TEPSIN: variants seen among roughly 807,000 people sequenced by gnomAD.
TEPSIN encodes AP-4 complex accessory subunit tepsin.
Under a neutral mutation model 48.5 loss-of-function variants are expected in TEPSIN, and 50 were observed. That is an observed-to-expected ratio of 1.03 (90% confidence interval 0.82 to 1.31). TEPSIN has a LOEUF of 1.31. Among genes scored for constraint, TEPSIN ranks in the 50% most tolerant of loss-of-function variants. The probability of loss-of-function intolerance (pLI) is 0.00; values close to 1 mark genes in which losing one functional copy is unlikely to be tolerated. For synonymous variants in TEPSIN, 392 were observed against 358.8 expected, an observed-to-expected ratio of 1.09 and a Z score of -1.05; for missense variants, 838 against 815.9, an observed-to-expected ratio of 1.03 and a Z score of -0.33.
Position 81,228,901 on chromosome 17 carries a change from T to C in TEPSIN, c.*27A>G. 1 of 1,611,278 alleles carries C rather than the reference T, an allele frequency of 6.2e-7. No homozygotes were observed. The highest frequency in any genetic ancestry group is 8.5e-7 in the Non-Finnish European group (1 of 1,179,742). ...GACCGCCCCAGACAGCAGCTGAAGC[T>C]GAAGACTCCAGGGCCAGGCCATCGG... is the stretch of plus-strand genomic sequence containing the variant. On this transcript the variant is annotated 3_prime_UTR_variant, in exon 13 of 13. Coordinates refer to ENST00000637944, the MANE Select transcript of TEPSIN (RefSeq NM_001363764.2).
Position 81,233,149 on chromosome 17 carries a change from C to A in TEPSIN, c.526+283G>T. The A allele has an allele frequency of 1.9e-6, 1 of 533,318 alleles. No individual in the cohort carries two copies. The highest frequency in any genetic ancestry group is 3.3e-6 in the Non-Finnish European group (1 of 301,716). 33.0% of individuals were successfully genotyped at this position (533,318 alleles called of 1,614,324 possible). On this transcript the variant is annotated intron_variant, in intron 7 of 12. Transcript: ENST00000637944. This position sits in a 1 kb window ranked among gnomAD's most constrained non-coding sequence, Gnocchi z 5.8. ...ACAGCCAGGGGCACAGCCCTCGGCC[C>A]CTCTCAGAGTGGGACTCACCCCTGC...
rs1328192917 is a variant in TEPSIN at position 81,233,277 on chromosome 17, G to A, written c.526+155C>T. ...CCACCCCCACGTCAGCAGCCAGAGA[G>A]AGACAGTGGGGACAGCCCCAGGAAG... On this transcript the variant is annotated intron_variant, in intron 7 of 12. Transcript: ENST00000637944. This position sits in a 1 kb window ranked among gnomAD's most constrained non-coding sequence, Gnocchi z 5.8. 1 of 865,950 alleles carries A rather than the reference G, an allele frequency of 1.2e-6. No homozygotes were observed. Among genetic ancestry groups the A allele is most frequent in the Non-Finnish European group, 1.7e-6 (1 of 576,438 alleles). The allele number at this position is 865,950 out of a possible 1,614,324, so 53.6% of individuals were successfully genotyped here. A position where few individuals can be genotyped will look rare whatever the true frequency, so the allele number is the denominator to read the frequency against.
rs2062509199 is a variant in TEPSIN at position 81,228,337 on chromosome 17, T to G, written c.*591A>C. 1 of 154,724 alleles carries G rather than the reference T, an allele frequency of 6.5e-6. No homozygotes were observed. The highest frequency in any genetic ancestry group is 6.5e-5 in the Admixed American group (1 of 15,302). 9.6% of individuals were successfully genotyped at this position (154,724 alleles called of 1,614,324 possible). A position where few individuals can be genotyped will look rare whatever the true frequency, so the allele number is the denominator to read the frequency against. Reference sequence around the variant, plus strand: ...AACCCCAGCGCTCTTGGAAGGTTTTTCTGAGATGGACCAGAGGCTCCAATC... The same window carrying G: ...AACCCCAGCGCTCTTGGAAGGTTTTGCTGAGATGGACCAGAGGCTCCAATC... On this transcript the variant is annotated 3_prime_UTR_variant, in exon 13 of 13. Coordinates refer to ENST00000637944, the MANE Select transcript of TEPSIN (RefSeq NM_001363764.2).
chr17:81,236,753 GGAA>G lies in TEPSIN; in HGVS notation c.259_261del (p.Phe87del), dbSNP rs766059186. 46 of 1,574,484 alleles carry G rather than the reference GGAA, an allele frequency of 2.9e-5. No homozygotes were observed. The highest frequency in any genetic ancestry group is 3.5e-5 in the South Asian group (3 of 85,740). On this transcript the variant is annotated inframe_deletion, in exon 4 of 13. Transcript: ENST00000637944. ...GCAGAGTTGCGTTTGAGGATGAGCAGGAAGAAGGAGGAGCCGTGGCTGCACAGA... is the reference window on the plus strand; with the variant it reads ...GCAGAGTTGCGTTTGAGGATGAGCAGGAAGGAGGAGCCGTGGCTGCACAGA...
intron 3 of TEPSIN, 54 bp downstream of exon 3, chr17:81,236,926 C>T (rs1165480606): frequency 3.9e-6 from 6 of 1,538,128 alleles, no homozygotes; most frequent in Non-Finnish European, 8.8e-7. Flanking sequence ...CTCCTCCATC[C>T]TCACCACCGT....
intron 8 of TEPSIN, 23 bp from the exon 9 acceptor site, chr17:81,232,044 T>C: frequency 6.3e-7 from 1 of 1,598,148 alleles, no homozygotes; most frequent in Non-Finnish European, 8.5e-7. Context: ...GGACAGCCGG[T>C]GAGATCCCTG....
rs571952080 is a variant in TEPSIN, at chr17:81,231,746, G to A, written c.906-55C>T. The A allele has an allele frequency of 7.5e-6, 12 of 1,607,876 alleles. No individual in the cohort carries two copies. The African/African-American group carries it at 1.1e-4, about 14-fold the overall frequency. On this transcript the variant is annotated intron_variant, in intron 9 of 12. Transcript: ENST00000637944. ...GAGTGGAGGCCATGCCCCCACTCCT[G>A]TCTCGCATGGGGGAGAACCTGGAGA...
rs1303394893 is a variant in TEPSIN, at chr17:81,228,903, A to T, written c.*25T>A. ...CCGCCCCAGACAGCAGCTGAAGCTG[A>T]AGACTCCAGGGCCAGGCCATCGGGT... On this transcript the variant is annotated 3_prime_UTR_variant, in exon 13 of 13. Transcript: ENST00000637944. 2 of 1,611,484 alleles carry T rather than the reference A, an allele frequency of 1.2e-6. No individual in the cohort carries two copies. Among genetic ancestry groups the T allele is most frequent in the Non-Finnish European group, 1.7e-6 (2 of 1,179,808 alleles).
intron 12 of TEPSIN, chr17:81,229,902 G>GATCTACACT: frequency 4.7e-6 from 1 of 213,698 alleles, no homozygotes. Flanking sequence ...GCGAACCCCA[G>GATCTACACT]GCTCACTCGT....
At position 81,230,477 on chromosome 17, in the gene TEPSIN, G is replaced by T. The variant is rs2062569475; in HGVS notation, c.1233+67C>A. 6 of 1,584,410 alleles carry T rather than the reference G, an allele frequency of 3.8e-6. No homozygotes were observed. The highest frequency in any genetic ancestry group is 5.1e-6 in the Non-Finnish European group (6 of 1,168,078). On this transcript the variant is annotated intron_variant, in intron 12 of 12. Coordinates refer to ENST00000637944, the MANE Select transcript of TEPSIN (RefSeq NM_001363764.2). This position sits in a 1 kb window ranked among gnomAD's most constrained non-coding sequence, Gnocchi z 4.2. ...CGCCGGGCAGGGACGGGGTGGCCGT[G>T]GACTGCAGCGTATCTCCCACTGTAC... is the stretch of plus-strand genomic sequence containing the variant.
Position 81,233,541 on chromosome 17 carries a change from A to C in TEPSIN, c.455-38T>G, listed in dbSNP as rs773265411. 1 of 1,565,434 alleles carries C rather than the reference A, an allele frequency of 6.4e-7. No homozygotes were observed. The highest frequency in any genetic ancestry group is 1.2e-5 in the South Asian group (1 of 84,242). ...CTCCGTTAGCAGCAAGCCGGCCCCC[A>C]CCCTCGGCCCTGCCCACGGATGGCA... is the stretch of plus-strand genomic sequence containing the variant. On this transcript the variant is annotated intron_variant, in intron 6 of 12. Transcript: ENST00000637944. This position sits in a 1 kb window ranked among gnomAD's most constrained non-coding sequence, Gnocchi z 5.8.
rs2062686055 is a variant in TEPSIN at position 81,234,481 on chromosome 17, C to T, written c.308-433G>A. ...GTCTCAGCCGCCTCGAGCTCCCCTG[C>T]TCTGAGAGTTCCTGTCATGATGAAC... On this transcript the variant is annotated intron_variant, in intron 4 of 12. Coordinates refer to ENST00000637944, the MANE Select transcript of TEPSIN (RefSeq NM_001363764.2). The surrounding 1 kb of genome is among the most constrained non-coding windows in gnomAD (Gnocchi z 5.4). Among the ~76,000 whole-genome samples, 1 of 152,124 alleles carries T rather than the reference C, an allele frequency of 6.6e-6. No homozygotes were observed. Among genetic ancestry groups the T allele is most frequent in the African/African-American group, 2.4e-5 (1 of 41,428 alleles).
intron 7 of TEPSIN, 154 bp from the exon 8 acceptor site, chr17:81,232,672 C>A: frequency 1.5e-6 from 1 of 650,584 alleles, no homozygotes; most frequent in Non-Finnish European, 2.6e-6. Flanking sequence ...GCCCCAGGCC[C>A]TCTGGAAGCT....
Position 81,230,757 on chromosome 17 carries a change from C to G in TEPSIN, c.1099-79G>C. 2 of 1,435,924 alleles carry G rather than the reference C, an allele frequency of 1.4e-6. No homozygotes were observed. Among genetic ancestry groups the G allele is most frequent in the Non-Finnish European group, 9.2e-7 (1 of 1,090,054 alleles). The allele number at this position is 1,435,924 out of a possible 1,614,324, so 88.9% of individuals were successfully genotyped here. A position where few individuals can be genotyped will look rare whatever the true frequency, so the allele number is the denominator to read the frequency against. On this transcript the variant is annotated intron_variant, in intron 11 of 12. Transcript: ENST00000637944. This position sits in a 1 kb window ranked among gnomAD's most constrained non-coding sequence, Gnocchi z 4.2. ...GGGAGGCCTATTTGGCCATCTCTCT[C>G]CCTCTTCTTCCTCCTCATCAATGAC...
chr17:81,237,510 G>A (rs765731167), intron 1 of TEPSIN, 51 bp from the exon 2 acceptor site: 1 of 1,551,142 alleles, frequency 6.4e-7, no homozygotes, highest in Non-Finnish European at 8.7e-7. Context: ...TTCCCACAGG[G>A]GTGAATCCGC....
chr17:81,231,079 G>GCA lies in TEPSIN; in HGVS notation c.1098+317_1098+318dup, dbSNP rs367624653. 973 of 492,514 alleles carry GCA rather than the reference G, an allele frequency of 2.0e-3. 8 individuals are homozygous for GCA. The highest frequency in any genetic ancestry group is 0.016 in the African/African-American group (790 of 50,558). The allele number at this position is 492,514 out of a possible 1,614,324, so 30.5% of individuals were successfully genotyped here. On this transcript the variant is annotated intron_variant, in intron 11 of 12. Transcript: ENST00000637944. ...CACGTGTCCACACTTTCATGTGCAT[G>GCA]CACACACACACAGGCACATACATAC... is the stretch of plus-strand genomic sequence containing the variant.
intron 9 of TEPSIN, 60 bp from the exon 10 acceptor site, chr17:81,231,751 G>A (rs936915015): frequency 1.7e-5 from 27 of 1,606,636 alleles, no homozygotes; most frequent in South Asian, 7.7e-5. Context: ...CTCCTGTCTC[G>A]CATGGGGGAG....
At chr17:81,231,511 C>T in intron 10 of TEPSIN, 35 bp from the exon 11 acceptor site, 1 of 1,562,820 alleles carries the variant, frequency 6.4e-7, no homozygotes, top group Non-Finnish European at 8.7e-7. Flanking sequence ...GCGGGTGCGG[C>T]CCGTTCCCTC....
rs2062622980 is a variant in TEPSIN at position 81,231,976 on chromosome 17, A to G, written c.776T>C (p.Leu259Pro). The G allele has an allele frequency of 6.2e-7, 1 of 1,612,572 alleles. No homozygotes were observed. The highest frequency in any genetic ancestry group is 1.3e-5 in the African/African-American group (1 of 74,924). ...ATTCTGAGAGCTGGGGCCGCTGTCCAGCTCATCCCAGCCCCCTCCGGCCTG... is the reference window on the plus strand; with the variant it reads ...ATTCTGAGAGCTGGGGCCGCTGTCCGGCTCATCCCAGCCCCCTCCGGCCTG... ...PGQAGGGWDE[L>P]DSGPSSQNSS... Residue 259 changes from leucine to proline, a missense_variant, in exon 9 of 13, where the codon CTG becomes CCG. Physicochemically the swap from Leu to Pro is moderately conservative, Grantham distance 98. Transcript: ENST00000637944.
Sources: allele counts gnomAD v4.1 joint callset (sites outside exome capture counted in the v4.1 genomes callset), GRCh38; gene constraint gnomAD v4.1.1; non-coding constraint Gnocchi (gnomAD v3.1); transcripts MANE v1.5; gene names NCBI Gene and HGNC (gene_info 2026-07-23, HGNC 2026-07-21).